Variants in PTPRR observed in about 807,000 individuals in gnomAD.
PTPRR encodes protein tyrosine phosphatase receptor type R, also known as receptor-type tyrosine-protein phosphatase R.
A neutral mutation model predicts 77.2 loss-of-function variants in PTPRR; 38 were observed. The observed-to-expected ratio is 0.49, with a 90% confidence interval of 0.38 to 0.65. The LOEUF (loss-of-function observed/expected upper bound fraction) is 0.65, where lower values mean the gene tolerates loss of function less well. Ranked by LOEUF, PTPRR falls within the 30% of genes least tolerant of loss-of-function variation. The pLI, the probability that PTPRR is intolerant of heterozygous loss-of-function variation, is 0.00. For missense variants in PTPRR, 744 were observed against 799.2 expected (o/e 0.93, Z 0.83); for synonymous variants, 299 against 283.1 (o/e 1.06, Z -0.57).
chr12:70,872,711 A>AC (rs1226569089), intron 2 of PTPRR, among the ~76,000 whole-genome samples: 6 of 149,776 alleles, frequency 4.0e-5, no homozygotes, highest in African/African-American at 1.2e-4. Flanking sequence ...AAAAAAAAAA[A>AC]AAAAAAAAAC....
intron 2 of PTPRR, among the ~76,000 whole-genome samples, chr12:70,792,536 A>G (rs1204114468): frequency 6.6e-6 from 1 of 152,198 alleles, no homozygotes; most frequent in East Asian, 1.9e-4. Context: ...TCAAACTTAT[A>G]TCTTGCAATT....
At position 70,901,095 on chromosome 12, in the gene PTPRR, T is replaced by C. The variant is rs1592824193; in HGVS notation, c.59-8118A>G. Among the ~76,000 whole-genome samples, 8 of 151,682 alleles carry C rather than the reference T, an allele frequency of 5.3e-5. 2 individuals are homozygous for C. The highest frequency in any genetic ancestry group is 4.6e-4 in the Admixed American group (7 of 15,176). On this transcript the variant is annotated intron_variant, in intron 1 of 13. Coordinates refer to ENST00000283228, the MANE Select transcript of PTPRR (RefSeq NM_002849.4). ...CAACAAGCATTTCCTTTGAGCATCA[T>C]GTTGGTATGCAAAAAGTTTTCTATT...
intron 2 of PTPRR, among the ~76,000 whole-genome samples, chr12:70,811,404 G>A (rs962112095): frequency 1.3e-5 from 2 of 152,194 alleles, no homozygotes; most frequent in Non-Finnish European, 2.9e-5. Context: ...ATAGGTGAAA[G>A]TATGCATTTT....
chr12:70,672,363 T>C, intron 10 of PTPRR: 3 of 1,394,532 alleles, frequency 2.2e-6, no homozygotes, highest in Non-Finnish European at 3.0e-6. Context: ...GAGATGGTCC[T>C]CCCATCAGAG....
At chr12:70,805,241 T>C (rs1021050790) in intron 2 of PTPRR, among the ~76,000 whole-genome samples, 3 of 152,062 alleles carry the variant, frequency 2.0e-5, no homozygotes, top group African/African-American at 7.2e-5. Flanking sequence ...CTTTTTGTAC[T>C]TCTTGCAGTG....
chr12:70,782,365 T>A (rs1891220884), intron 2 of PTPRR, among the ~76,000 whole-genome samples: 1 of 152,184 alleles, frequency 6.6e-6, no homozygotes, highest in African/African-American at 2.4e-5. Flanking sequence ...TTAAATATCA[T>A]GCTGCTATAA....
chr12:70,830,814 A>T (rs948130728), intron 2 of PTPRR, among the ~76,000 whole-genome samples: 1 of 152,196 alleles, frequency 6.6e-6, no homozygotes, highest in African/African-American at 2.4e-5. Context: ...CATGCAAATG[A>T]CCTGCCTGAA....
At chr12:70,754,339 A>G (rs1390622126) in intron 4 of PTPRR, 38 bp from the exon 5 acceptor site, 12 of 1,609,710 alleles carry the variant, frequency 7.5e-6, no homozygotes, top group Non-Finnish European at 8.5e-6. Context: ...GTTAAATGAG[A>G]GCTTGAGAAA....
chr12:70,806,259 C>A (rs971613370), intron 2 of PTPRR, among the ~76,000 whole-genome samples: 17 of 152,136 alleles, frequency 1.1e-4, no homozygotes, highest in Non-Finnish European at 1.5e-5. Context: ...TTACTCTAGA[C>A]AGACTCTAGA....
intron 2 of PTPRR, among the ~76,000 whole-genome samples, chr12:70,820,511 T>G (rs1565708510): frequency 2.6e-5 from 4 of 152,156 alleles, no homozygotes; most frequent in Admixed American, 2.0e-4. Flanking sequence ...TTTTTTGTAT[T>G]TTTAGTAGCG....
chr12:70,915,551 A>G (rs1383608286), intron 1 of PTPRR, among the ~76,000 whole-genome samples: 2 of 152,240 alleles, frequency 1.3e-5, no homozygotes, highest in Non-Finnish European at 2.9e-5. Context: ...CTACATGTAC[A>G]AGGCATTTCA....
intron 5 of PTPRR, among the ~76,000 whole-genome samples, chr12:70,750,012 G>A (rs1486300683): frequency 6.6e-6 from 1 of 152,154 alleles, no homozygotes; most frequent in Non-Finnish European, 1.5e-5. Flanking sequence ...GAATGGATTG[G>A]AAGTTGCCCA....
At position 70,639,123 on chromosome 12, in the gene PTPRR, T is replaced by C. The variant is rs763595138; in HGVS notation, c.*61A>G. ...TTGCAGGAAGCTCCTTCTAGAAGCC[T>C]TGGGTGGGTAATTTGATTAATCACC... On this transcript the variant is annotated 3_prime_UTR_variant, in exon 14 of 14. Coordinates refer to ENST00000283228, the MANE Select transcript of PTPRR (RefSeq NM_002849.4). 8.3e-6 allele frequency: 12 copies of C among 1,452,186 alleles called. No homozygotes were observed. Among genetic ancestry groups the C allele is most frequent in the Non-Finnish European group, 1.1e-5 (11 of 1,044,868 alleles). The allele number at this position is 1,452,186 out of a possible 1,614,324, so 90.0% of individuals were successfully genotyped here.
intron 1 of PTPRR, among the ~76,000 whole-genome samples, chr12:70,919,029 T>C (rs1592833337): frequency 6.6e-6 from 1 of 152,244 alleles, no homozygotes; most frequent in East Asian, 1.9e-4. Flanking sequence ...ACATGTGTAT[T>C]TAATAATAGC....
intron 1 of PTPRR, among the ~76,000 whole-genome samples, chr12:70,899,773 G>A (rs1175991355): frequency 6.6e-6 from 1 of 151,242 alleles, no homozygotes; most frequent in African/African-American, 2.4e-5. Flanking sequence ...TGACATGATT[G>A]TCTATATAAA....
intron 2 of PTPRR, among the ~76,000 whole-genome samples, chr12:70,766,770 T>C (rs914246944): frequency 2.0e-5 from 3 of 151,894 alleles, no homozygotes; most frequent in Non-Finnish European, 4.4e-5. Flanking sequence ...GAGAGAAAGG[T>C]CGGGTTACCC....
chr12:70,747,357 A>G (rs1012715116), intron 5 of PTPRR, among the ~76,000 whole-genome samples: 1 of 152,252 alleles, frequency 6.6e-6, no homozygotes, highest in Non-Finnish European at 1.5e-5. Flanking sequence ...TTCCCAAATG[A>G]AGAAACAAAT....
chr12:70,788,961 A>C, intron 2 of PTPRR: 3 of 1,271,082 alleles, frequency 2.4e-6, no homozygotes, highest in Non-Finnish European at 3.1e-6. Context: ...AGTCACCTGG[A>C]GGTAACCGCC....
At chr12:70,781,882 C>G (rs1891210326) in intron 2 of PTPRR, among the ~76,000 whole-genome samples, 1 of 152,148 alleles carries the variant, frequency 6.6e-6, no homozygotes, top group South Asian at 2.1e-4. Context: ...TGATGAGCTA[C>G]TCCTTTTAAC....
Sources: gnomAD v4.1 joint callset for allele counts (sites outside exome capture counted in the v4.1 genomes callset) on GRCh38, gnomAD v4.1.1 for gene constraint, MANE v1.5 for transcripts, NCBI Gene and HGNC (gene_info 2026-07-23, HGNC 2026-07-21) for gene names.